KDELR3: variants seen among roughly 807,000 people sequenced by gnomAD.
KDELR3 encodes the protein ER lumen protein-retaining receptor 3.
KDELR3 carries 26 observed loss-of-function variants against 22.7 expected under a neutral mutation model. The observed-to-expected ratio is 1.15, with a 90% CI of 0.84 to 1.59. The LOEUF is 1.59. Among genes scored for constraint, KDELR3 ranks in the 40% most tolerant of loss-of-function variants. KDELR3 has a pLI of 0.00. For missense variants in KDELR3, 289 were observed against 251.1 expected (o/e 1.15, Z -1.02); for synonymous variants, 120 against 98.2 (o/e 1.22, Z -1.31).
Position 38,474,582 on chromosome 22 carries a change from C to A in KDELR3, c.151C>A (p.Leu51Met). 6.2e-7 allele frequency: 1 copy of A among 1,614,096 alleles called. No individual in the cohort carries two copies. Among genetic ancestry groups the A allele is most frequent in the South Asian group, 1.1e-5 (1 of 91,082 alleles). The change falls in exon 2 of 5, where the codon CTG (leucine) becomes ATG (methionine). Residue 51 changes from leucine to methionine, a missense_variant. Leu to Met is a conservative substitution (Grantham distance 15). Transcript: ENST00000216014. ...ALVFTTRYLD[L>M]FTNFISIYNT... is the part of the protein sequence containing the mutation. ...CGTCTTCACCACCAGGTACCTGGAC[C>A]TGTTCACCAACTTCATCTCCATCTA...
intron 2 of KDELR3, 43 bp downstream of exon 2, chr22:38,474,666 C>T: frequency 6.6e-7 from 1 of 1,508,416 alleles, no homozygotes; most frequent in Non-Finnish European, 9.2e-7. Context: ...CCACCAAGCC[C>T]CCACAAACTG....
At chr22:38,473,422 C>CA (rs2089537310) in intron 1 of KDELR3, among the ~76,000 whole-genome samples, 1 of 151,364 alleles carries the variant, frequency 6.6e-6, no homozygotes, top group African/African-American at 2.4e-5. Flanking sequence ...GCCTGGGAGA[C>CA]AGAGTAAGAC....
Position 38,468,328 on chromosome 22 carries a change from A to G in KDELR3, c.91+4A>G. The G allele has an allele frequency of 1.9e-6, 3 of 1,613,038 alleles. No homozygotes were observed. The highest frequency in any genetic ancestry group is 2.5e-6 in the Non-Finnish European group (3 of 1,179,546). ...TGGAGGTCCAAGTGCTGCAAGGGTG[A>G]GGGGCGCCTGGCAGGGAGGTGCGGG... On this transcript the variant is annotated splice_donor_region_variant and intron_variant, in intron 1 of 4. Transcript: ENST00000216014.
chr22:38,468,396 G>A (rs1187735216), intron 1 of KDELR3, 72 bp downstream of exon 1: 15 of 1,393,544 alleles, frequency 1.1e-5, no homozygotes, highest in Non-Finnish European at 1.4e-5. Flanking sequence ...TGCAGGGCAG[G>A]GCGCTCCAGG....
chr22:38,470,598 C>T (rs1054246561), intron 1 of KDELR3, among the ~76,000 whole-genome samples: 4 of 152,130 alleles, frequency 2.6e-5, no homozygotes, highest in African/African-American at 9.7e-5. Context: ...ACAGACCCAG[C>T]CCCAAAGACC....
At chr22:38,472,577 GGCA>G (rs1455778645) in intron 1 of KDELR3, among the ~76,000 whole-genome samples, 1 of 152,144 alleles carries the variant, frequency 6.6e-6, no homozygotes, top group Non-Finnish European at 1.5e-5. Flanking sequence ...ATGGAAAAAG[GGCA>G]GCAGTGGGAA....
chr22:38,470,454 C>A (rs2089518140), intron 1 of KDELR3, among the ~76,000 whole-genome samples: 1 of 152,114 alleles, frequency 6.6e-6, no homozygotes, highest in African/African-American at 2.4e-5. Flanking sequence ...GGAAACTGAG[C>A]AAATGACACG....
At chr22:38,481,881 A>T (rs886800347) in intron 4 of KDELR3, among the ~76,000 whole-genome samples, 1 of 152,220 alleles carries the variant, frequency 6.6e-6, no homozygotes, top group African/African-American at 2.4e-5. Context: ...CACACTGAAG[A>T]ATTGTCGTGG....
intron 2 of KDELR3, among the ~76,000 whole-genome samples, chr22:38,476,348 T>A (rs2089557503): frequency 6.6e-6 from 1 of 151,260 alleles, no homozygotes; most frequent in African/African-American, 2.4e-5. Flanking sequence ...GCCTCCCGAG[T>A]AGCTGGGACT....
At chr22:38,478,792 G>GT (rs201009601) in intron 2 of KDELR3, among the ~76,000 whole-genome samples, 1 of 150,898 alleles carries the variant, frequency 6.6e-6, no homozygotes, top group Admixed American at 6.6e-5. Flanking sequence ...ACAGGCGCCC[G>GT]CATGCATGCC....
rs568184426 is a variant in KDELR3 at position 38,482,381 on chromosome 22, T to C, written c.605-115T>C. ...ATGGACTCCCCCTTTGCTTTAACAATCGAACATATACTGTGAGCCGGCCAT... is the reference window on the plus strand; with the variant it reads ...ATGGACTCCCCCTTTGCTTTAACAACCGAACATATACTGTGAGCCGGCCAT... On this transcript the variant is annotated intron_variant, in intron 4 of 4. Coordinates refer to ENST00000216014, the MANE Select transcript of KDELR3 (RefSeq NM_006855.4). 4 of 850,302 alleles carry C rather than the reference T, an allele frequency of 4.7e-6. No individual in the cohort carries two copies. In the African/African-American group the frequency reaches 6.7e-5, roughly 14 times the overall value. 52.7% of individuals were successfully genotyped at this position (850,302 alleles called of 1,614,324 possible). A position where few individuals can be genotyped will look rare whatever the true frequency, so the allele number is the denominator to read the frequency against.
At chr22:38,475,102 AAAAG>A (rs1195359862) in intron 2 of KDELR3, among the ~76,000 whole-genome samples, 9 of 150,246 alleles carry the variant, frequency 6.0e-5, no homozygotes, top group African/African-American at 2.0e-4. Flanking sequence ...AAAAAAAAAA[AAAAG>A]ACAGTACCAT....
chr22:38,482,705 T>C lies in KDELR3; in HGVS notation c.*169T>C. The C allele has an allele frequency of 1.6e-6, 1 of 627,006 alleles. No homozygotes were observed. Among genetic ancestry groups the C allele is most frequent in the South Asian group, 2.0e-5 (1 of 50,078 alleles). 38.8% of individuals were successfully genotyped at this position (627,006 alleles called of 1,614,324 possible). ...CCCACCCAGAAGACCTTCTCATCAA[T>C]AGATCGCCCTTAAAGACCCATTGTA... is the stretch of plus-strand genomic sequence containing the variant. On this transcript the variant is annotated 3_prime_UTR_variant, in exon 5 of 5. Coordinates refer to ENST00000216014, the MANE Select transcript of KDELR3 (RefSeq NM_006855.4).
chr22:38,469,370 G>T (rs2089509531), intron 1 of KDELR3, among the ~76,000 whole-genome samples: 1 of 152,208 alleles, frequency 6.6e-6, no homozygotes, highest in Non-Finnish European at 1.5e-5. Context: ...GCCCTTCATG[G>T]TTTGGGAGCC....
chr22:38,473,457 AAAAAG>A (rs2089537616), intron 1 of KDELR3, among the ~76,000 whole-genome samples: 1 of 106,336 alleles, frequency 9.4e-6, no homozygotes, highest in Non-Finnish European at 2.4e-5. Flanking sequence ...GAAAAAAATA[AAAAAG>A]AAAGAAACAT....
intron 1 of KDELR3, among the ~76,000 whole-genome samples, chr22:38,470,703 C>T (rs1280595572): frequency 1.3e-5 from 2 of 152,130 alleles, no homozygotes; most frequent in African/African-American, 4.8e-5. Flanking sequence ...GAGGGCTGCC[C>T]CTGGCAGTGG....
Position 38,468,147 on chromosome 22 carries a change from G to A in KDELR3, c.-87G>A. The A allele has an allele frequency of 1.7e-6, 2 of 1,204,490 alleles. No homozygotes were observed. Among genetic ancestry groups the A allele is most frequent in the Non-Finnish European group, 1.2e-6 (1 of 823,450 alleles). The allele number at this position is 1,204,490 out of a possible 1,614,324, so 74.6% of individuals were successfully genotyped here. A position where few individuals can be genotyped will look rare whatever the true frequency, so the allele number is the denominator to read the frequency against. On this transcript the variant is annotated 5_prime_UTR_variant, in exon 1 of 5. Coordinates refer to ENST00000216014, the MANE Select transcript of KDELR3 (RefSeq NM_006855.4). ...CAGGGCTCTGGGGCACCTAGAGACCGGGGCCGGAGACGTGGCAGCCGCCCT... is the reference window on the plus strand; with the variant it reads ...CAGGGCTCTGGGGCACCTAGAGACCAGGGCCGGAGACGTGGCAGCCGCCCT...
chr22:38,482,064 C>CTGAT (rs1411310971), intron 4 of KDELR3, among the ~76,000 whole-genome samples: 1 of 152,200 alleles, frequency 6.6e-6, no homozygotes, highest in Non-Finnish European at 1.5e-5. Flanking sequence ...GCACTACATT[C>CTGAT]TGATTGCCAA....
At position 38,482,518 on chromosome 22, in the gene KDELR3, T is replaced by C. The variant is rs372077166; in HGVS notation, c.627T>C (p.Ser209=). 9.3e-6 allele frequency: 15 copies of C among 1,613,094 alleles called. No individual in the cohort carries two copies. In the African/African-American group the frequency reaches 1.9e-4, roughly 20 times the overall value. The change falls in exon 5 of 5, where the codon AGT becomes AGC. Residue 209 remains serine (S), a synonymous_variant. Transcript: ENST00000216014. ...VTKVLKGKKL[S]LPMPI ...CAGTCCTTAAGGGAAAGAAGTTAAG[T>C]CTTCCAATGCCAATCTGAGGACCTT...
Sources: gnomAD v4.1 joint callset for allele counts (sites outside exome capture counted in the v4.1 genomes callset) on GRCh38, gnomAD v4.1.1 for gene constraint, MANE v1.5 for transcripts, NCBI Gene and HGNC (gene_info 2026-07-23, HGNC 2026-07-21) for gene names.